The following PTTG1IP variants were observed in gnomAD, a reference collection of about 807,000 sequenced individuals.
The protein encoded by PTTG1IP is PTTG1 interacting protein, also known as pituitary tumor-transforming gene 1 protein-interacting protein.
Under a neutral mutation model 24.4 loss-of-function variants are expected in PTTG1IP, and 16 were observed. That is an observed-to-expected ratio of 0.66 (90% confidence interval 0.44 to 1.00). The LOEUF is 1.00. Among genes scored for constraint, PTTG1IP ranks in the 50% least tolerant of loss-of-function variants. PTTG1IP has a pLI of 0.00. For synonymous variants in PTTG1IP, 89 were observed against 96.8 expected (o/e 0.92, Z 0.47); for missense variants, 241 against 245.8 (o/e 0.98, Z 0.13).
rs775551316 is a variant in PTTG1IP at position 44,856,326 on chromosome 21, C to A, written c.316G>T (p.Gly106Trp). 13 of 1,613,966 alleles carry A rather than the reference C, an allele frequency of 8.1e-6. No homozygotes were observed. The highest frequency in any genetic ancestry group is 1.7e-5 in the Admixed American group (1 of 59,992). ...GCAATGCCCAGGAGGAGGGTTCCCC[C>A]GACTACCGACATGGTGATGATCAGC... ...EALIITMSVV[G>W]GTLLLGIAIC... is the part of the protein sequence containing the mutation. Residue 106 changes from glycine to tryptophan, a missense_variant, in exon 4 of 6, where the codon GGG (glycine) becomes TGG (tryptophan). By Grantham distance (184) the Gly-to-Trp change is radical. Coordinates refer to ENST00000330938, the MANE Select transcript of PTTG1IP (RefSeq NM_004339.4).
intron 1 of PTTG1IP, among the ~76,000 whole-genome samples, chr21:44,870,353 C>T (rs551800023): frequency 2.6e-5 from 4 of 151,988 alleles, no homozygotes; most frequent in African/African-American, 9.6e-5. Flanking sequence ...CCGGCCTGGC[C>T]GACATGGAGA....
In PTTG1IP at chr21:44,855,935, G is replaced by A. The variant is rs969543954; in HGVS notation, c.449+258C>T. Among the ~76,000 whole-genome samples, 12 of 152,290 alleles carry A rather than the reference G, an allele frequency of 7.9e-5. 1 individual carries two copies. The highest frequency in any genetic ancestry group is 3.4e-3 in the Middle Eastern group (1 of 294). On this transcript the variant is annotated intron_variant, in intron 4 of 5. Coordinates refer to ENST00000330938, the MANE Select transcript of PTTG1IP (RefSeq NM_004339.4). ...AGCCGTCACACACCCGTGTCACCGCGCACAGACTCAGCCTTACTGCACCGA... is the reference window on the plus strand; with the variant it reads ...AGCCGTCACACACCCGTGTCACCGCACACAGACTCAGCCTTACTGCACCGA...
At position 44,873,263 on chromosome 21, in the gene PTTG1IP, AACAAAG is replaced by A. The variant is rs879912095; in HGVS notation, c.115+233_115+238del. 2.6e-3 allele frequency among the ~76,000 whole-genome samples: 390 copies of A among 152,292 alleles called. 2 individuals carry two copies. The highest frequency in any genetic ancestry group is 8.9e-3 in the African/African-American group (372 of 41,580). On this transcript the variant is annotated intron_variant, in intron 1 of 5. Coordinates refer to ENST00000330938, the MANE Select transcript of PTTG1IP (RefSeq NM_004339.4). Reference sequence around the variant, plus strand: ...AGGAGCGGCCGCAGCGACTGGACAAAACAAAGACAAAGACAAAGACGGCTCTTCCCC... The same window carrying A: ...AGGAGCGGCCGCAGCGACTGGACAAAACAAAGACAAAGACGGCTCTTCCCC...
At chr21:44,865,543 G>A in intron 1 of PTTG1IP, 96 bp from the exon 2 acceptor site, 1 of 1,246,500 alleles carries the variant, frequency 8.0e-7, no homozygotes, top group South Asian at 1.2e-5. Flanking sequence ...GAGGGGTGTG[G>A]CACCAAGAAC....
At chr21:44,870,413 C>T (rs751143404) in intron 1 of PTTG1IP, among the ~76,000 whole-genome samples, 1 of 151,028 alleles carries the variant, frequency 6.6e-6, no homozygotes, top group Non-Finnish European at 1.5e-5. Flanking sequence ...TGATAGCATG[C>T]GCCTGTAATC....
Position 44,851,285 on chromosome 21 carries a change from C to T in PTTG1IP, c.*296G>A, listed in dbSNP as rs574886582. 197 of 1,417,082 alleles carry T rather than the reference C, an allele frequency of 1.4e-4. No individual in the cohort carries two copies. Among genetic ancestry groups the T allele is most frequent in the Non-Finnish European group, 1.7e-4 (187 of 1,071,064 alleles). The allele number at this position is 1,417,082 out of a possible 1,614,324, so 87.8% of individuals were successfully genotyped here. On this transcript the variant is annotated 3_prime_UTR_variant, in exon 6 of 6. Coordinates refer to ENST00000330938, the MANE Select transcript of PTTG1IP (RefSeq NM_004339.4). ...AGCGCTGGGTGCCGTCAGGCGGCTT[C>T]GTGTGCAGTTAGCGTTTCACAAACT... is the stretch of plus-strand genomic sequence containing the variant.
At chr21:44,854,136 G>A (rs1319361728) in intron 5 of PTTG1IP, among the ~76,000 whole-genome samples, 2 of 152,220 alleles carry the variant, frequency 1.3e-5, no homozygotes, top group African/African-American at 4.8e-5. Context: ...CACAGTGGCT[G>A]CTGGGCTTTG....
intron 3 of PTTG1IP, among the ~76,000 whole-genome samples, chr21:44,856,728 C>CA (rs2083452347): frequency 6.6e-6 from 1 of 152,232 alleles, no homozygotes; most frequent in Non-Finnish European, 1.5e-5. Context: ...GCTACATACT[C>CA]AGACTCTCGT....
chr21:44,870,603 A>G (rs1158160982), intron 1 of PTTG1IP, among the ~76,000 whole-genome samples: 2 of 151,674 alleles, frequency 1.3e-5, no homozygotes, highest in African/African-American at 4.8e-5. Flanking sequence ...TTATTTCTCT[A>G]AGTGATCACT....
At chr21:44,868,851 A>G (rs2083563154) in intron 1 of PTTG1IP, among the ~76,000 whole-genome samples, 1 of 152,232 alleles carries the variant, frequency 6.6e-6, no homozygotes, top group African/African-American at 2.4e-5. Flanking sequence ...TGCCAAGACC[A>G]CTGAGTCTGC....
intron 5 of PTTG1IP, among the ~76,000 whole-genome samples, chr21:44,854,796 G>C (rs753211914): frequency 2.0e-5 from 3 of 152,202 alleles, no homozygotes; most frequent in Non-Finnish European, 4.4e-5. Context: ...GGAGTGCTTG[G>C]AAGGAGCGCC....
intron 3 of PTTG1IP, 59 bp from the exon 4 acceptor site, chr21:44,856,423 G>A (rs1235505720): frequency 5.9e-6 from 9 of 1,538,078 alleles, no homozygotes; most frequent in Non-Finnish European, 7.1e-6. Context: ...ACCCAGCACA[G>A]CAGCCTTCCC....
rs567593210 is a variant in PTTG1IP, at chr21:44,854,737, C to T, written c.496+473G>A. On this transcript the variant is annotated intron_variant, in intron 5 of 5. Coordinates refer to ENST00000330938, the MANE Select transcript of PTTG1IP (RefSeq NM_004339.4). ...CAAAATCTCTCCAGACACAACCAAA[C>T]AAGAACAGAACGCCGAGGCTGGGCG... Among the ~76,000 whole-genome samples the T allele has an allele frequency of 5.3e-5, 8 of 152,338 alleles. No homozygotes were observed. In the South Asian group the frequency reaches 1.7e-3, roughly 32 times the overall value.
Position 44,861,766 on chromosome 21 carries a change from C to A in PTTG1IP, c.169-495G>T, listed in dbSNP as rs1254224991. Reference sequence around the variant, plus strand: ...TGCTTCCGTAGACCTCTCCTCCCCACACGCCGGGCACCTGTGCACTTCACT... The same window carrying A: ...TGCTTCCGTAGACCTCTCCTCCCCAAACGCCGGGCACCTGTGCACTTCACT... On this transcript the variant is annotated intron_variant, in intron 2 of 5. Coordinates refer to ENST00000330938, the MANE Select transcript of PTTG1IP (RefSeq NM_004339.4). 3 of 717,572 alleles carry A rather than the reference C, an allele frequency of 4.2e-6. No homozygotes were observed. In the East Asian group the frequency reaches 8.0e-5, roughly 19 times the overall value. The allele number at this position is 717,572 out of a possible 1,614,324, so 44.5% of individuals were successfully genotyped here.
At chr21:44,857,162 T>C (rs2083455926) in intron 3 of PTTG1IP, among the ~76,000 whole-genome samples, 1 of 152,228 alleles carries the variant, frequency 6.6e-6, no homozygotes, top group African/African-American at 2.4e-5. Flanking sequence ...TTTGCAAATG[T>C]GTTTTCAATC....
chr21:44,864,143 G>C (rs1247232859), intron 2 of PTTG1IP, among the ~76,000 whole-genome samples: 1 of 152,244 alleles, frequency 6.6e-6, no homozygotes, highest in Non-Finnish European at 1.5e-5. Flanking sequence ...GACTGGAAGG[G>C]GCAAGGGGTG....
chr21:44,860,394 G>C (rs1215534885), intron 3 of PTTG1IP, among the ~76,000 whole-genome samples: 1 of 151,750 alleles, frequency 6.6e-6, no homozygotes, highest in Non-Finnish European at 1.5e-5. Flanking sequence ...AAAACAACTT[G>C]AATCTCACAA....
chr21:44,866,680 AACACACAC>A (rs34646417), intron 1 of PTTG1IP, among the ~76,000 whole-genome samples: 9 of 145,180 alleles, frequency 6.2e-5, no homozygotes, highest in African/African-American at 1.3e-4. Context: ...CCAATCCCAT[AACACACAC>A]ACACACACAC....
chr21:44,854,063 C>T (rs2083430715), intron 5 of PTTG1IP, among the ~76,000 whole-genome samples: 1 of 152,126 alleles, frequency 6.6e-6, no homozygotes, highest in Non-Finnish European at 1.5e-5. Context: ...CAGCATGGGG[C>T]CTCTGCAGCC....
Sources: gnomAD v4.1 joint callset for allele counts (sites outside exome capture counted in the v4.1 genomes callset) on GRCh38, gnomAD v4.1.1 for gene constraint, MANE v1.5 for transcripts, NCBI Gene and HGNC (gene_info 2026-07-23, HGNC 2026-07-21) for gene names.